Variants in SLC18B1 observed in about 807,000 individuals in gnomAD.
SLC18B1 encodes the protein solute carrier family 18 member B1.
Under a neutral mutation model 53.9 loss-of-function variants are expected in SLC18B1, and 62 were observed. The observed-to-expected ratio is 1.15, with a 90% CI of 0.94 to 1.42. The LOEUF (loss-of-function observed/expected upper bound fraction) is 1.42, where lower values mean the gene tolerates loss of function less well. Among genes scored for constraint, SLC18B1 ranks in the 40% most tolerant of loss-of-function variants. SLC18B1 has a pLI of 0.00. For synonymous variants in SLC18B1, 217 were observed against 200.9 expected, an observed-to-expected ratio of 1.08 and a Z score of -0.68; for missense variants, 598 against 547.3, an observed-to-expected ratio of 1.09 and a Z score of -0.93.
chr6:132,779,578 A>G (rs1168478911), intron 6 of SLC18B1, among the ~76,000 whole-genome samples, 174 bp from the exon 7 acceptor site: 1 of 152,228 alleles, frequency 6.6e-6, no homozygotes, highest in African/African-American at 2.4e-5. Flanking sequence ...ATTCAAACCT[A>G]GAGGCCACAT....
At chr6:132,786,712 C>T (rs1432015393) in intron 5 of SLC18B1, among the ~76,000 whole-genome samples, 3 of 152,062 alleles carry the variant, frequency 2.0e-5, no homozygotes, top group African/African-American at 4.8e-5. Flanking sequence ...AGAACAATTA[C>T]ATGCTATAAG....
At chr6:132,786,452 G>A (rs1433765713) in intron 5 of SLC18B1, among the ~76,000 whole-genome samples, 1 of 151,362 alleles carries the variant, frequency 6.6e-6, no homozygotes, top group Non-Finnish European at 1.5e-5. Context: ...GGGAGGCTGA[G>A]GCAAGAGAAT....
At chr6:132,777,436 A>G (rs1270544432) in intron 7 of SLC18B1, among the ~76,000 whole-genome samples, 1 of 152,078 alleles carries the variant, frequency 6.6e-6, no homozygotes, top group African/African-American at 2.4e-5. Context: ...CAAACGGGCC[A>G]GGTGCGGTGG....
intron 7 of SLC18B1, among the ~76,000 whole-genome samples, chr6:132,778,442 G>A (rs1270746681): frequency 6.6e-6 from 1 of 152,078 alleles, no homozygotes; most frequent in Non-Finnish European, 1.5e-5. Context: ...ATTTCAAGGG[G>A]TAGTGTAAAA....
rs1780930943 is a variant in SLC18B1 at position 132,770,144 on chromosome 6, C to T, written c.*126G>A. The T allele has an allele frequency of 1.3e-6, 1 of 743,492 alleles. No individual in the cohort carries two copies. Among genetic ancestry groups the T allele is most frequent in the South Asian group, 1.7e-5 (1 of 60,088 alleles). The allele number at this position is 743,492 out of a possible 1,614,324, so 46.1% of individuals were successfully genotyped here. Reference sequence around the variant, plus strand: ...AGGATCATCCAAAAACACGTTGACACTTCCAAGACACTGGCACGGGGTCCA... The same window carrying T: ...AGGATCATCCAAAAACACGTTGACATTTCCAAGACACTGGCACGGGGTCCA... On this transcript the variant is annotated 3_prime_UTR_variant, in exon 14 of 14. Coordinates refer to ENST00000275227, the MANE Select transcript of SLC18B1 (RefSeq NM_052831.3).
At chr6:132,777,169 A>G (rs999064169) in intron 7 of SLC18B1, among the ~76,000 whole-genome samples, 3 of 151,970 alleles carry the variant, frequency 2.0e-5, no homozygotes, top group Non-Finnish European at 4.4e-5. Flanking sequence ...TGAACTTAGG[A>G]GGCAGAGGCT....
Position 132,771,000 on chromosome 6 carries a change from T to C in SLC18B1, c.1254+36A>G, listed in dbSNP as rs372535827. ...TTTCCAAGTCAAGTTTTTCCACAAATATAAGGAAAATGCAAATAAAAGACT... is the reference window on the plus strand; with the variant it reads ...TTTCCAAGTCAAGTTTTTCCACAAACATAAGGAAAATGCAAATAAAAGACT... On this transcript the variant is annotated intron_variant, in intron 12 of 13. Transcript: ENST00000275227. 3 of 1,610,682 alleles carry C rather than the reference T, an allele frequency of 1.9e-6. No individual in the cohort carries two copies. In the African/African-American group the frequency reaches 4.0e-5, roughly 22 times the overall value.
At chr6:132,779,073 A>T (rs1301610596) in intron 7 of SLC18B1, among the ~76,000 whole-genome samples, 195 bp downstream of exon 7, 1 of 152,154 alleles carries the variant, frequency 6.6e-6, no homozygotes, top group Non-Finnish European at 1.5e-5. Context: ...TTAGTGAAAG[A>T]CTTCCTTCAT....
At chr6:132,783,812 A>G in intron 6 of SLC18B1, 121 bp downstream of exon 6, 1 of 788,782 alleles carries the variant, frequency 1.3e-6, no homozygotes, top group Non-Finnish European at 1.8e-6. Context: ...CTGAAAAAAG[A>G]ATCAGTTATT....
chr6:132,774,439 C>G lies in SLC18B1; in HGVS notation c.898-126G>C, dbSNP rs1781051804. 5 of 625,792 alleles carry G rather than the reference C, an allele frequency of 8.0e-6. No individual in the cohort carries two copies. The East Asian group carries it at 1.4e-4, about 18-fold the overall frequency. The allele number at this position is 625,792 out of a possible 1,614,324, so 38.8% of individuals were successfully genotyped here. On this transcript the variant is annotated intron_variant, in intron 8 of 13. Transcript: ENST00000275227. ...AAAAACCCAAATACAATGAAGAAAA[C>G]AAAACTTTACATTTAAAAGAAAGTA...
Position 132,783,963 on chromosome 6 carries a change from G to C in SLC18B1, c.628C>G (p.Pro210Ala), listed in dbSNP as rs751741978. 2.3e-5 allele frequency: 37 copies of C among 1,604,882 alleles called. 1 individual carries two copies. The Middle Eastern group carries it at 3.0e-3, about 130-fold the overall frequency. The change falls in exon 6 of 14, where the codon CCA (proline) becomes GCA (alanine). Residue 210 changes from proline to alanine, a missense_variant. Physicochemically the swap from Pro to Ala is conservative, Grantham distance 27. Transcript: ENST00000275227. ...VLGCVVLLMV[P>A]LNMYILPNYE... ...TTGGGTAAAATATACATATTGAGTGGTACCATCAGCAAAACGACGCATCCC... is the reference window on the plus strand; with the variant it reads ...TTGGGTAAAATATACATATTGAGTGCTACCATCAGCAAAACGACGCATCCC...
chr6:132,790,117 G>GA (rs1562270158), intron 3 of SLC18B1, 60 bp downstream of exon 3: 1 of 1,282,038 alleles, frequency 7.8e-7, no homozygotes, highest in Non-Finnish European at 1.1e-6. Context: ...ACTAGTAAAC[G>GA]AAAATAATCC....
At chr6:132,777,110 A>G (rs1781117509) in intron 7 of SLC18B1, among the ~76,000 whole-genome samples, 1 of 152,110 alleles carries the variant, frequency 6.6e-6, no homozygotes, top group African/African-American at 2.4e-5. Flanking sequence ...AATCCCAGCT[A>G]CTCAGGAGGT....
At position 132,776,282 on chromosome 6, in the gene SLC18B1, C is replaced by T. The variant is rs765628591; in HGVS notation, c.897+46G>A. 5 of 1,461,224 alleles carry T rather than the reference C, an allele frequency of 3.4e-6. No individual in the cohort carries two copies. In the Admixed American group the frequency reaches 8.6e-5, roughly 25 times the overall value. The allele number at this position is 1,461,224 out of a possible 1,614,324, so 90.5% of individuals were successfully genotyped here. On this transcript the variant is annotated intron_variant, in intron 8 of 13. Coordinates refer to ENST00000275227, the MANE Select transcript of SLC18B1 (RefSeq NM_052831.3). ...CAAAGGAACAGTTGGAAAACCACTG[C>T]TCTAAACATACAAAAGTGACTCAAA...
chr6:132,790,745 A>G (rs370233916), intron 2 of SLC18B1, among the ~76,000 whole-genome samples: 1 of 152,200 alleles, frequency 6.6e-6, no homozygotes, highest in Non-Finnish European at 1.5e-5. Flanking sequence ...CCAAGGCCCA[A>G]TCAGTCTAGG....
intron 2 of SLC18B1, among the ~76,000 whole-genome samples, chr6:132,792,225 C>CAAAGAAAGAAAGAAAGAAAGAA: frequency 2.2e-5 from 1 of 44,582 alleles, no homozygotes; most frequent in African/African-American, 7.5e-5. Flanking sequence ...AAGACACTGT[C>CAAAGAAAGAAAGAAAGAAAGAA]AGAAAGAAAG....
In SLC18B1 at chr6:132,795,275, C is replaced by G. The variant is rs553935157; in HGVS notation, c.183+1707G>C. 9.9e-5 allele frequency among the ~76,000 whole-genome samples: 15 copies of G among 151,982 alleles called. No individual in the cohort carries two copies. The South Asian group carries it at 2.9e-3, about 29-fold the overall frequency. On this transcript the variant is annotated intron_variant, in intron 2 of 13. Transcript: ENST00000275227. ...TATTTTTTCACTCCCAAAGGGCAGA[C>G]AAGAGAAAGCCATTTCCCTGATTTT...
intron 7 of SLC18B1, among the ~76,000 whole-genome samples, chr6:132,778,931 C>T (rs944118138): frequency 6.6e-6 from 1 of 152,092 alleles, no homozygotes; most frequent in Non-Finnish European, 1.5e-5. Flanking sequence ...TACTGTGTAC[C>T]CCTAATGTCT....
At chr6:132,785,897 CAAAAA>C (rs71545048) in intron 5 of SLC18B1, among the ~76,000 whole-genome samples, 1 of 81,180 alleles carries the variant, frequency 1.2e-5, no homozygotes, top group African/African-American at 4.4e-5. Context: ...CCTGTCTCTA[CAAAAA>C]AAAAAAAAAA....
Sources: allele counts gnomAD v4.1 joint callset (sites outside exome capture counted in the v4.1 genomes callset), GRCh38; gene constraint gnomAD v4.1.1; transcripts MANE v1.5; gene names NCBI Gene and HGNC (gene_info 2026-07-23, HGNC 2026-07-21).